Variants in DNAH5 observed in about 807,000 individuals in gnomAD.
The protein encoded by DNAH5 is axonemal beta dynein heavy chain 5.
A neutral mutation model predicts 518.2 loss-of-function variants in DNAH5; 372 were observed. That is an observed-to-expected ratio of 0.72 (90% CI 0.66 to 0.78). DNAH5 has a LOEUF of 0.78. DNAH5 is among the 30% of genes least tolerant of loss of function. The pLI is 0.00. For synonymous variants in DNAH5, 2,039 were observed against 2,025.9 expected, an observed-to-expected ratio of 1.01 and a Z score of -0.17; for missense variants, 5,523 against 5,687.0, an observed-to-expected ratio of 0.97 and a Z score of 0.93.
chr5:13,727,400 C>T (rs1302303758), intron 70 of DNAH5, 107 bp downstream of exon 70: 4 of 1,131,822 alleles, frequency 3.5e-6, no homozygotes, highest in Non-Finnish European at 5.0e-6. Context: ...CAGAGGCCTA[C>T]AAGAAAATTC....
At chr5:13,958,198 C>A (rs1780900833) in intron 1 of DNAH5, among the ~76,000 whole-genome samples, 1 of 151,734 alleles carries the variant, frequency 6.6e-6, no homozygotes. Context: ...TGGTATAAAT[C>A]TCTATTTATT....
At position 13,807,586 on chromosome 5, in the gene DNAH5, A is replaced by C. The variant is rs1759822004; in HGVS notation, c.7887+5T>G. On this transcript the variant is annotated splice_donor_5th_base_variant and intron_variant, in intron 47 of 78. Transcript: ENST00000265104. Reference sequence around the variant, plus strand: ...GCTTACTGAGCCATACCAAAGAGCCAGTACCTGGAACATCAGTGGGGTGGT... The same window carrying C: ...GCTTACTGAGCCATACCAAAGAGCCCGTACCTGGAACATCAGTGGGGTGGT... The C allele has an allele frequency of 1.2e-6, 2 of 1,613,342 alleles. No homozygotes were observed. The highest frequency in any genetic ancestry group is 2.7e-5 in the African/African-American group (2 of 74,904).
chr5:13,821,793 AT>A (rs1762273578), intron 40 of DNAH5, among the ~76,000 whole-genome samples: 1 of 151,936 alleles, frequency 6.6e-6, no homozygotes, highest in Admixed American at 6.6e-5. Context: ...GCTTTTTTAT[AT>A]TTTTATATAT....
chr5:13,969,401 G>A (rs2152055848), intron 1 of DNAH5, among the ~76,000 whole-genome samples: 1 of 152,134 alleles, frequency 6.6e-6, no homozygotes, highest in South Asian at 2.1e-4. Context: ...CTTGAGGTGT[G>A]ATCTTAGATT....
At chr5:13,931,653 A>G (rs1292110182) in intron 1 of DNAH5, among the ~76,000 whole-genome samples, 1 of 152,164 alleles carries the variant, frequency 6.6e-6, no homozygotes, top group Non-Finnish European at 1.5e-5. Context: ...TCCTATCTTT[A>G]TTGTTTATCT....
At chr5:13,910,088 G>A (rs1276802101) in intron 12 of DNAH5, among the ~76,000 whole-genome samples, 1 of 152,126 alleles carries the variant, frequency 6.6e-6, no homozygotes, top group Non-Finnish European at 1.5e-5. Context: ...AACATTCACT[G>A]TCCTTATGTC....
chr5:13,907,598 G>A (rs1469047683), intron 12 of DNAH5, among the ~76,000 whole-genome samples: 2 of 152,110 alleles, frequency 1.3e-5, no homozygotes, highest in Non-Finnish European at 1.5e-5. Flanking sequence ...CCTCAAATAT[G>A]TTTTCCAAAA....
intron 55 of DNAH5, chr5:13,771,190 C>G (rs1175272116): frequency 1.8e-6 from 1 of 565,678 alleles, no homozygotes; most frequent in African/African-American, 1.9e-5. Context: ...TATAAAAACA[C>G]TTTAAGCCTA....
intron 12 of DNAH5, among the ~76,000 whole-genome samples, chr5:13,909,027 G>A (rs1465561337): frequency 6.6e-6 from 1 of 152,190 alleles, no homozygotes; most frequent in East Asian, 1.9e-4. Flanking sequence ...AAGGAATAAA[G>A]AAGTGTAAGT....
At chr5:13,921,442 C>CTCTG (rs1282988627) in intron 5 of DNAH5, among the ~76,000 whole-genome samples, 1 of 143,576 alleles carries the variant, frequency 7.0e-6, no homozygotes, top group Non-Finnish European at 1.5e-5. Context: ...CTCTGTCTCT[C>CTCTG]TCTCTCTCTC....
rs758627759 is a variant in DNAH5 at position 13,850,744 on chromosome 5, A to T, written c.5022T>A (p.Ser1674Arg). 7.4e-6 allele frequency: 12 copies of T among 1,613,898 alleles called. No homozygotes were observed. The highest frequency in any genetic ancestry group is 1.0e-5 in the Non-Finnish European group (12 of 1,179,750). ...CATCTCCAACACAGCACTGGACTAC[A>T]CTGGGCACTTCATGTGCCCGAGTCA... ...KIMTRAHEVP[S>R]VVQCCVGDET... The change falls in exon 31 of 79, where the codon AGT becomes AGA. Residue 1674 changes from serine (S) to arginine (R), a missense_variant. This residue lies in a region of DNAH5 where 5,121 missense variants were observed against 5,223.3 expected (regional missense o/e 0.98). Coordinates refer to ENST00000265104, the MANE Select transcript of DNAH5 (RefSeq NM_001369.3).
intron 12 of DNAH5, among the ~76,000 whole-genome samples, chr5:13,910,764 AGAACTGGCTAGCCCAACCCCTTCCTCGG>A (rs1444849754): frequency 1.3e-5 from 2 of 152,230 alleles, no homozygotes; most frequent in Non-Finnish European, 2.9e-5. Context: ...GCACCTCACC[AGAACTGGCTAGCCCAACCCCTTCCTCGG>A]GAATCTGGAG....
chr5:13,749,828 C>T (rs953276255), intron 65 of DNAH5, among the ~76,000 whole-genome samples: 2 of 152,140 alleles, frequency 1.3e-5, no homozygotes, highest in Non-Finnish European at 2.9e-5. Flanking sequence ...TGCTAAATTT[C>T]CTTCACCACC....
At chr5:13,805,411 T>G (rs531196292) in intron 47 of DNAH5, among the ~76,000 whole-genome samples, 1 of 152,050 alleles carries the variant, frequency 6.6e-6, no homozygotes, top group Non-Finnish European at 1.5e-5. Context: ...GGCAGGAGAA[T>G]TGCTTGAACC....
chr5:13,891,168 T>C (rs778381162), intron 16 of DNAH5, 47 bp from the exon 17 acceptor site: 2 of 1,607,802 alleles, frequency 1.2e-6, no homozygotes, highest in Non-Finnish European at 1.7e-6. Flanking sequence ...GTAAAGCATT[T>C]TGTTTTTTAA....
chr5:13,927,360 C>A (rs538369838), intron 3 of DNAH5, among the ~76,000 whole-genome samples: 1 of 152,046 alleles, frequency 6.6e-6, no homozygotes, highest in African/African-American at 2.4e-5. Flanking sequence ...GGCGTGGTGG[C>A]GCGCACCTGT....
intron 58 of DNAH5, among the ~76,000 whole-genome samples, chr5:13,766,450 G>C (rs562836643): frequency 6.6e-6 from 1 of 152,314 alleles, no homozygotes; most frequent in East Asian, 1.9e-4. Context: ...AGATGGCTTT[G>C]TGCCAGAAAA....
chr5:13,775,811 G>A (rs947559063), intron 55 of DNAH5, among the ~76,000 whole-genome samples: 2 of 152,058 alleles, frequency 1.3e-5, no homozygotes, highest in African/African-American at 4.8e-5. Flanking sequence ...TACTTGTAAG[G>A]TATTACTGGA....
chr5:13,911,915 G>T (rs1381190625), intron 11 of DNAH5, among the ~76,000 whole-genome samples: 2 of 151,494 alleles, frequency 1.3e-5, no homozygotes, highest in African/African-American at 2.4e-5. Flanking sequence ...AAACAATATA[G>T]GAAGAAAATA....
Sources: gnomAD v4.1 joint callset for allele counts (sites outside exome capture counted in the v4.1 genomes callset) on GRCh38, gnomAD v4.1.1 for gene constraint, gnomAD v4.1.1 regional missense constraint, MANE v1.5 for transcripts, NCBI Gene and HGNC (gene_info 2026-07-23, HGNC 2026-07-21) for gene names.